OCA2: variants seen among roughly 807,000 people sequenced by gnomAD.
OCA2 encodes the protein OCA2 melanosomal transmembrane protein.
Under a neutral mutation model 100.2 loss-of-function variants are expected in OCA2, and 77 were observed. The ratio of observed to expected loss-of-function variants is 0.77; its 90% CI spans 0.64 to 0.93. The LOEUF is 0.93. Among genes scored for constraint, OCA2 ranks in the 40% least tolerant of loss-of-function variants. The pLI, the probability that OCA2 is intolerant of heterozygous loss-of-function variation, is 0.00. For missense variants in OCA2, 1,062 were observed against 1,089.1 expected (o/e 0.98, Z 0.35); for synonymous variants, 432 against 439.2 (o/e 0.98, Z 0.21).
intron 23 of OCA2, among the ~76,000 whole-genome samples, chr15:27,810,292 T>C (rs1171697073): frequency 1.3e-5 from 2 of 152,188 alleles, no homozygotes; most frequent in East Asian, 3.9e-4. Flanking sequence ...ATTGGGAAAA[T>C]TGGCTAGCCA....
chr15:27,990,160 C>T (rs1215325097), intron 10 of OCA2, among the ~76,000 whole-genome samples: 1 of 152,108 alleles, frequency 6.6e-6, no homozygotes, highest in Non-Finnish European at 1.5e-5. Context: ...AACAGGACAC[C>T]CTCATCCCCA....
intron 23 of OCA2, among the ~76,000 whole-genome samples, chr15:27,779,938 A>G (rs1595397504): frequency 6.6e-6 from 1 of 152,202 alleles, no homozygotes; most frequent in South Asian, 2.1e-4. Context: ...GTAAAGAATT[A>G]TACCTATAGA....
At chr15:28,011,330 T>C (rs2042233696) in intron 9 of OCA2, among the ~76,000 whole-genome samples, 1 of 152,142 alleles carries the variant, frequency 6.6e-6, no homozygotes, top group Non-Finnish European at 1.5e-5. Flanking sequence ...TAGCCAAGTA[T>C]GGTATTGCAT....
intron 21 of OCA2, among the ~76,000 whole-genome samples, chr15:27,855,572 T>C (rs2035919264): frequency 1.3e-5 from 2 of 152,266 alleles, no homozygotes; most frequent in Admixed American, 6.5e-5. Flanking sequence ...TCACACACTA[T>C]GCCCAGAGCT....
At chr15:27,969,391 T>C (rs565570501) in intron 14 of OCA2, among the ~76,000 whole-genome samples, 1 of 152,352 alleles carries the variant, frequency 6.6e-6, no homozygotes, top group South Asian at 2.1e-4. Context: ...AACAGGCAGA[T>C]GCAGTGTGCA....
intron 19 of OCA2, among the ~76,000 whole-genome samples, chr15:27,888,672 T>C (rs2037328554): frequency 6.6e-6 from 1 of 152,212 alleles, no homozygotes. Flanking sequence ...TTTAATTTTA[T>C]ATCATCAATA....
At chr15:28,011,977 CA>C (rs756171011) in intron 9 of OCA2, among the ~76,000 whole-genome samples, 6,210 of 125,162 alleles carry the variant, frequency 0.05, 191 homozygotes, top group South Asian at 0.15. Flanking sequence ...GCTTTGTCTC[CA>C]AAAAAAAAAA....
At chr15:27,878,109 C>A (rs1230035453) in intron 19 of OCA2, among the ~76,000 whole-genome samples, 1 of 151,652 alleles carries the variant, frequency 6.6e-6, no homozygotes, top group African/African-American at 2.4e-5. Context: ...AATATACAAG[C>A]CTTGAAATGA....
intron 23 of OCA2, among the ~76,000 whole-genome samples, chr15:27,814,113 T>C (rs1421539504): frequency 6.6e-6 from 1 of 152,162 alleles, no homozygotes; most frequent in Non-Finnish European, 1.5e-5. Flanking sequence ...TTAACTACAG[T>C]CACCCTCCTG....
rs998216618 is a variant in OCA2, at chr15:27,774,038, T to C, written c.2433-18566A>G. Among the ~76,000 whole-genome samples the C allele has an allele frequency of 3.9e-5, 6 of 152,362 alleles. No homozygotes were observed. The East Asian group carries it at 9.6e-4, about 24-fold the overall frequency. ...TAATCTGTTTCTATGGTTTTTTTTCTATTCAGGTATATTTTCTTCAACTAT... is the reference window on the plus strand; with the variant it reads ...TAATCTGTTTCTATGGTTTTTTTTCCATTCAGGTATATTTTCTTCAACTAT... On this transcript the variant is annotated intron_variant, in intron 23 of 23. Transcript: ENST00000354638.
At chr15:27,721,851 T>C in the OCA2 span, among the ~76,000 whole-genome samples, 1 of 152,196 alleles carries the variant, frequency 6.6e-6, no homozygotes, top group Non-Finnish European at 1.5e-5. Context: ...ATGTGTTCTT[T>C]AGAGAAAATA....
At chr15:27,970,516 ACAC>A (rs2040740211) in intron 14 of OCA2, among the ~76,000 whole-genome samples, 1 of 151,650 alleles carries the variant, frequency 6.6e-6, no homozygotes, top group Admixed American at 6.6e-5. Flanking sequence ...GTCCCAGCAC[ACAC>A]AGCACGGTGG....
chr15:27,725,950 G>A, the OCA2 span, among the ~76,000 whole-genome samples: 1 of 151,984 alleles, frequency 6.6e-6, no homozygotes, highest in Non-Finnish European at 1.5e-5. Flanking sequence ...CCTCTCTAGA[G>A]CTGGCGTCTG....
chr15:27,747,032 T>C, the OCA2 span, among the ~76,000 whole-genome samples: 2 of 152,092 alleles, frequency 1.3e-5, no homozygotes, highest in Non-Finnish European at 2.9e-5. Context: ...AACTTATCAC[T>C]CCTAAATGTA....
intron 19 of OCA2, among the ~76,000 whole-genome samples, chr15:27,887,241 T>G (rs2037260805): frequency 6.6e-6 from 1 of 152,088 alleles, no homozygotes; most frequent in South Asian, 2.1e-4. Flanking sequence ...ATTAGCAGCA[T>G]GAAAATGGAC....
At chr15:27,816,986 C>T (rs572619666) in intron 23 of OCA2, among the ~76,000 whole-genome samples, 9 of 152,174 alleles carry the variant, frequency 5.9e-5, no homozygotes, top group African/African-American at 1.9e-4. Context: ...TCAGGTCAGG[C>T]GCTTCCTAGG....
chr15:27,876,459 A>G (rs977468555), intron 19 of OCA2, among the ~76,000 whole-genome samples: 1 of 152,052 alleles, frequency 6.6e-6, no homozygotes, highest in Non-Finnish European at 1.5e-5. Context: ...GACCTACAAA[A>G]TAAGTGGGGA....
At chr15:27,797,308 G>A (rs929843596) in intron 23 of OCA2, among the ~76,000 whole-genome samples, 5 of 152,176 alleles carry the variant, frequency 3.3e-5, no homozygotes, top group African/African-American at 1.2e-4. Flanking sequence ...CTAGTTACCT[G>A]TGTGTATGGC....
At chr15:27,913,901 A>C in intron 19 of OCA2, among the ~76,000 whole-genome samples, 1 of 34,832 alleles carries the variant, frequency 2.9e-5, no homozygotes, top group South Asian at 8.1e-4. Flanking sequence ...GAAAGCAAGC[A>C]AGCAAGCAAG....
Sources: allele counts gnomAD v4.1 joint callset (sites outside exome capture counted in the v4.1 genomes callset), GRCh38; gene constraint gnomAD v4.1.1; transcripts MANE v1.5; gene names NCBI Gene and HGNC (gene_info 2026-07-23, HGNC 2026-07-21).